Variants in ADAMTS9 observed in about 807,000 individuals in gnomAD.
ADAMTS9 encodes the protein A disintegrin and metalloproteinase with thrombospondin motifs 9.
In ADAMTS9, 107 loss-of-function variants were observed where a neutral mutation model predicts 257.1. The observed-to-expected ratio is 0.42, with a 90% CI of 0.36 to 0.49. ADAMTS9 has a LOEUF of 0.49. Among genes scored for constraint, ADAMTS9 ranks in the 20% least tolerant of loss-of-function variants. The pLI is 0.03. For missense variants in ADAMTS9, 2,353 were observed against 2,469.1 expected, an observed-to-expected ratio of 0.95 and a Z score of 1.00; for synonymous variants, 982 against 880.9, an observed-to-expected ratio of 1.11 and a Z score of -2.03.
chr3:64,561,642 G>C lies in ADAMTS9; in HGVS notation c.4634C>G (p.Ser1545Trp), dbSNP rs1031267747. Residue 1545 changes from serine to tryptophan, a missense_variant, in exon 30 of 40, where the codon TCG (serine) becomes TGG (tryptophan). Ser to Trp is a radical substitution (Grantham distance 177). This residue lies in a region of ADAMTS9 where 1,402 missense variants were observed against 1,441.4 expected (regional missense o/e 0.97). Coordinates refer to ENST00000498707, the MANE Select transcript of ADAMTS9 (RefSeq NM_182920.2). ...CCGTGGGCCTTGGCAGTCGCGTTCC[G>C]ACTCCGGTCTGGTGTATGGGTTGCA... ...TECNPYTRPE[S>W]ERDCQGPRCP... 2 of 1,613,922 alleles carry C rather than the reference G, an allele frequency of 1.2e-6. No individual in the cohort carries two copies. Among genetic ancestry groups the C allele is most frequent in the Non-Finnish European group, 1.7e-6 (2 of 1,180,004 alleles).
chr3:64,649,501 T>C (rs1231444404), intron 10 of ADAMTS9, 136 bp downstream of exon 10: 1 of 982,652 alleles, frequency 1.0e-6, no homozygotes, highest in Non-Finnish European at 1.4e-6. Flanking sequence ...ATAATTATTA[T>C]GATCACTAAT....
At chr3:64,522,724 GTGT>G (rs1417661151) in intron 38 of ADAMTS9, among the ~76,000 whole-genome samples, 2 of 151,844 alleles carry the variant, frequency 1.3e-5, no homozygotes, top group African/African-American at 2.4e-5. Flanking sequence ...TAATTTGAGA[GTGT>G]TTTGAGTGAT....
rs73122235 is a variant in ADAMTS9 at position 64,603,739 on chromosome 3, T to G, written c.3747+183A>C. Among the ~76,000 whole-genome samples the G allele has an allele frequency of 8.5e-3, 1,299 of 152,344 alleles. 11 individuals carry two copies. Among genetic ancestry groups the G allele is most frequent in the South Asian group, 0.016 (79 of 4,822 alleles). On this transcript the variant is annotated intron_variant, in intron 25 of 39. Transcript: ENST00000498707. ...AATGTGCATTCCTTAAACATTTAGCTAAGAGTCCTTGCACACTTGGCCAAC... is the reference window on the plus strand; with the variant it reads ...AATGTGCATTCCTTAAACATTTAGCGAAGAGTCCTTGCACACTTGGCCAAC...
At chr3:64,641,107 A>T (rs1477037873) in intron 12 of ADAMTS9, among the ~76,000 whole-genome samples, 1 of 152,192 alleles carries the variant, frequency 6.6e-6, no homozygotes, top group Non-Finnish European at 1.5e-5. Context: ...AAAAAAAATA[A>T]AAAGTAATTC....
intron 26 of ADAMTS9, among the ~76,000 whole-genome samples, chr3:64,597,934 A>C (rs180820611): frequency 1.4e-3 from 208 of 152,338 alleles, no homozygotes; most frequent in African/African-American, 4.7e-3. Context: ...ATTTGCAAGT[A>C]TGTTGTTAGT....
intron 19 of ADAMTS9, among the ~76,000 whole-genome samples, chr3:64,618,351 G>A (rs1185865787): frequency 6.6e-6 from 1 of 152,152 alleles, no homozygotes; most frequent in Non-Finnish European, 1.5e-5. Flanking sequence ...ACATATAAAA[G>A]TTAAGTGTCA....
At chr3:64,602,359 T>C (rs1361995627) in intron 25 of ADAMTS9, 146 bp from the exon 26 acceptor site, 34 of 837,550 alleles carry the variant, frequency 4.1e-5, no homozygotes, top group Non-Finnish European at 5.3e-5. Context: ...TCCTCTTTTT[T>C]TCCCATCCCA....
At chr3:64,656,801 G>C (rs1039480611) in intron 4 of ADAMTS9, among the ~76,000 whole-genome samples, 67 of 151,934 alleles carry the variant, frequency 4.4e-4, no homozygotes, top group African/African-American at 1.5e-3. Flanking sequence ...GCGCAGAGGG[G>C]AATGGGTCAC....
At chr3:64,550,203 A>G (rs1160321747) in intron 31 of ADAMTS9, 3 of 152,236 alleles carry the variant, frequency 2.0e-5, no homozygotes, top group Non-Finnish European at 4.4e-5. Flanking sequence ...CACTGTGCAC[A>G]GGAAGATATA....
At chr3:64,552,276 TC>T (rs1288970113) in intron 30 of ADAMTS9, among the ~76,000 whole-genome samples, 2 of 152,154 alleles carry the variant, frequency 1.3e-5, no homozygotes, top group African/African-American at 4.8e-5. Context: ...TAGGATAATC[TC>T]TATGTCCACA....
intron 28 of ADAMTS9, among the ~76,000 whole-genome samples, chr3:64,574,641 G>A (rs1300406625): frequency 1.3e-5 from 2 of 151,876 alleles, no homozygotes; most frequent in African/African-American, 2.4e-5. Context: ...ACTGAGTTAG[G>A]AGCATTGATT....
At chr3:64,638,438 T>C (rs1412226944) in intron 12 of ADAMTS9, among the ~76,000 whole-genome samples, 2 of 152,166 alleles carry the variant, frequency 1.3e-5, no homozygotes, top group Admixed American at 6.5e-5. Flanking sequence ...ACACGTCTTA[T>C]AGGCTGGGTG....
chr3:64,554,433 G>A (rs2083306069), intron 30 of ADAMTS9, among the ~76,000 whole-genome samples: 1 of 152,212 alleles, frequency 6.6e-6, no homozygotes, highest in South Asian at 2.1e-4. Flanking sequence ...ACTAGGGTAT[G>A]GGGGCTGGGT....
chr3:64,613,820 C>T (rs2084712082), intron 21 of ADAMTS9, among the ~76,000 whole-genome samples: 1 of 152,114 alleles, frequency 6.6e-6, no homozygotes, highest in African/African-American at 2.4e-5. Context: ...TTATAAATCA[C>T]ATCAACCTAA....
intron 23 of ADAMTS9, among the ~76,000 whole-genome samples, chr3:64,605,453 TATTA>T (rs1044009267): frequency 6.6e-6 from 1 of 152,186 alleles, no homozygotes; most frequent in African/African-American, 2.4e-5. Flanking sequence ...AGCACTGCCA[TATTA>T]ATTTATTTTT....
chr3:64,542,074 C>G, intron 32 of ADAMTS9, 104 bp from the exon 33 acceptor site: 3 of 1,432,230 alleles, frequency 2.1e-6, no homozygotes, highest in Non-Finnish European at 2.9e-6. Flanking sequence ...TACAGGGTGT[C>G]ACTTCAGACC....
At chr3:64,571,942 A>G (rs1280387700) in intron 28 of ADAMTS9, among the ~76,000 whole-genome samples, 1 of 152,194 alleles carries the variant, frequency 6.6e-6, no homozygotes, top group Non-Finnish European at 1.5e-5. Context: ...ACCATGTGTC[A>G]CTGAGACATA....
At chr3:64,648,768 CAG>C (rs1700859334) in intron 10 of ADAMTS9, among the ~76,000 whole-genome samples, 2 of 152,088 alleles carry the variant, frequency 1.3e-5, no homozygotes, top group Non-Finnish European at 2.9e-5. Context: ...AGCATGTTCC[CAG>C]ATGTAGATCA....
Position 64,516,825 on chromosome 3 carries a change from T to C in ADAMTS9, c.*302A>G, listed in dbSNP as rs924539455. On this transcript the variant is annotated 3_prime_UTR_variant, in exon 40 of 40. Coordinates refer to ENST00000498707, the MANE Select transcript of ADAMTS9 (RefSeq NM_182920.2). ...AGGATCACTTTGTCATATTACTACA[T>C]GCAAAGGCAGTCATAATAGAATCAT... 2 of 152,658 alleles carry C rather than the reference T, an allele frequency of 1.3e-5. No homozygotes were observed. The highest frequency in any genetic ancestry group is 2.9e-5 in the Non-Finnish European group (2 of 68,042). 9.5% of individuals were successfully genotyped at this position (152,658 alleles called of 1,614,324 possible). A position where few individuals can be genotyped will look rare whatever the true frequency, so the allele number is the denominator to read the frequency against.
Sources: gnomAD v4.1 joint callset for allele counts (sites outside exome capture counted in the v4.1 genomes callset) on GRCh38, gnomAD v4.1.1 for gene constraint, gnomAD v4.1.1 regional missense constraint, MANE v1.5 for transcripts, NCBI Gene and HGNC (gene_info 2026-07-23, HGNC 2026-07-21) for gene names.